Variants in HRNR observed in about 807,000 individuals in gnomAD.
The protein encoded by HRNR is hornerin, also known as filaggrin family member 3.
Under a neutral mutation model 4.8 loss-of-function variants are expected in HRNR, and 7 were observed. That is an observed-to-expected ratio of 1.47 (90% CI 0.83 to 2.75). The LOEUF (loss-of-function observed/expected upper bound fraction) is 2.75, where lower values mean the gene tolerates loss of function less well. Among genes scored for constraint, HRNR ranks in the 30% most tolerant of loss-of-function variants. The pLI is 0.00. For synonymous variants in HRNR, 1,023 were observed against 1,242.7 expected (o/e 0.82, Z 3.72); for missense variants, 2,879 against 3,010.4 (o/e 0.96, Z 1.02).
In HRNR at chr1:152,218,801, C is replaced by A. The variant is rs772262908; in HGVS notation, c.2828G>T (p.Gly943Val). ...TGAGCCAGATCCATGCTGAGTGTAACCAGAGGACTGCCCTGAGCTAGACTT... is the reference window on the plus strand; with the variant it reads ...TGAGCCAGATCCATGCTGAGTGTAAACAGAGGACTGCCCTGAGCTAGACTT... ...GHKSSSGQSS[G>V]YTQHGSGSGH... The change falls in exon 3 of 3, where the codon GGT becomes GTT. Residue 943 changes from glycine (G) to valine (V), a missense_variant. Gly to Val is a moderately radical substitution (Grantham distance 109). Coordinates refer to ENST00000368801, the MANE Select transcript of HRNR (RefSeq NM_001009931.3). The A allele has an allele frequency of 5.0e-6, 8 of 1,613,586 alleles. No homozygotes were observed. Among genetic ancestry groups the A allele is most frequent in the Non-Finnish European group, 6.8e-6 (8 of 1,179,932 alleles).
Position 152,219,149 on chromosome 1 carries a change from C to T in HRNR, c.2480G>A (p.Gly827Asp), listed in dbSNP as rs1185329783. The T allele has an allele frequency of 6.2e-7, 1 of 1,613,542 alleles. No individual in the cohort carries two copies. The highest frequency in any genetic ancestry group is 8.5e-7 in the Non-Finnish European group (1 of 1,179,948). Residue 827 changes from glycine to aspartate, a missense_variant, in exon 3 of 3, where the codon GGC becomes GAC. Physicochemically the swap from Gly to Asp is moderately conservative, Grantham distance 94 (BLOSUM62 -1). This residue lies in a region of HRNR where 2,646 missense variants were observed against 1,377.7 expected (regional missense o/e 1.92). Transcript: ENST00000368801. ...TGAGGCAGAACCATGCTGACTATAGCCCTGTCCTGAGCCAGACTCGTGTTG... is the reference window on the plus strand; with the variant it reads ...TGAGGCAGAACCATGCTGACTATAGTCCTGTCCTGAGCCAGACTCGTGTTG... ...FGQHESGSGQ[G>D]YSQHGSASGH...
chr1:152,222,972 C>A, intron 2 of HRNR, 144 bp downstream of exon 2: 2 of 780,004 alleles, frequency 2.6e-6, no homozygotes, highest in Middle Eastern at 2.7e-4. Context: ...CTGCTTTTGA[C>A]CTTATCTCAA....
In HRNR at chr1:152,219,512, C is replaced by T. The variant is rs745555258; in HGVS notation, c.2117G>A (p.Gly706Asp). 5 of 1,613,860 alleles carry T rather than the reference C, an allele frequency of 3.1e-6. No individual in the cohort carries two copies. In the African/African-American group the frequency reaches 4.0e-5, roughly 13 times the overall value. ...ACTGTAACCAGAGGACTGCCCTGAG[C>T]CAGACTTGTGACCAAAGCCGGAAGA... The part of the protein sequence containing the change: ...GQSSGFGHKS[G>D]SGQSSGYSQH... Residue 706 changes from glycine (G) to aspartate (D), a missense_variant, in exon 3 of 3, where the codon GGC (glycine) becomes GAC (aspartate). Physicochemically the swap from Gly to Asp is moderately conservative, Grantham distance 94 (BLOSUM62 -1). Coordinates refer to ENST00000368801, the MANE Select transcript of HRNR (RefSeq NM_001009931.3).
chr1:152,219,340 C>G lies in HRNR; in HGVS notation c.2289G>C (p.Ser763=). The G allele has an allele frequency of 6.2e-7, 1 of 1,612,624 alleles. No homozygotes were observed. Among genetic ancestry groups the G allele is most frequent in the Non-Finnish European group, 8.5e-7 (1 of 1,179,826 alleles). ...ATCCAGACCCTTGTCGGCCGTGGCC[C>G]GAAGATTGATGGGAGCCCGACCCAT... is the stretch of plus-strand genomic sequence containing the variant. ...GQHGSGSHQS[S]GHGRQGSGSG... Residue 763 remains serine, a synonymous_variant, in exon 3 of 3, where the codon TCG becomes TCC. Coordinates refer to ENST00000368801, the MANE Select transcript of HRNR (RefSeq NM_001009931.3).
intron 2 of HRNR, among the ~76,000 whole-genome samples, chr1:152,221,851 A>T (rs1273258251): frequency 6.6e-6 from 1 of 152,232 alleles, no homozygotes; most frequent in Non-Finnish European, 1.5e-5. Flanking sequence ...TTAACTAGCT[A>T]CTTAATTTAC....
Position 152,219,102 on chromosome 1 carries a change from G to T in HRNR, c.2527C>A (p.Arg843=), listed in dbSNP as rs141263661. 7.4e-6 allele frequency: 12 copies of T among 1,613,506 alleles called. No homozygotes were observed. The highest frequency in any genetic ancestry group is 3.3e-5 in the South Asian group (3 of 91,042). ...GACTGCCCTGACGTAGATCCATGTC[G>T]TCCCTGGCTAGAGAAGTGACCTGAG... ...SASGHFSSQG[R]HGSTSGQSSS... is the part of the protein sequence containing the mutation. The change falls in exon 3 of 3, where the codon CGA becomes AGA. Residue 843 remains arginine, a synonymous_variant. Coordinates refer to ENST00000368801, the MANE Select transcript of HRNR (RefSeq NM_001009931.3).
rs552697734 is a variant in HRNR, at chr1:152,213,221, C to T, written c.8408G>A (p.Ser2803Asn). 5 of 1,614,174 alleles carry T rather than the reference C, an allele frequency of 3.1e-6. No homozygotes were observed. The South Asian group carries it at 4.4e-5, about 14-fold the overall frequency. Residue 2803 changes from serine (S) to asparagine (N), a missense_variant, in exon 3 of 3, where the codon AGT becomes AAT. Around this residue, in one of 8 missense-constraint regions of HRNR, gnomAD observed 158 missense variants for 107.6 expected, o/e 1.47. Transcript: ENST00000368801. ...AGAATACCCATCTTGCCCTGAGCCACTTCCATGCTGACTATAACCAGAGGA... is the reference window on the plus strand; with the variant it reads ...AGAATACCCATCTTGCCCTGAGCCATTTCCATGCTGACTATAACCAGAGGA... ...GQSSGYSQHG[S>N]GSGQDGYSYC... is the part of the protein sequence containing the mutation.
At position 152,219,288 on chromosome 1, in the gene HRNR, G is replaced by T; in HGVS notation, c.2341C>A (p.His781Asn). 1 of 1,613,608 alleles carries T rather than the reference G, an allele frequency of 6.2e-7. No individual in the cohort carries two copies. Among genetic ancestry groups the T allele is most frequent in the Non-Finnish European group, 8.5e-7 (1 of 1,179,922 alleles). The change falls in exon 3 of 3, where the codon CAT becomes AAT. Residue 781 changes from histidine to asparagine, a missense_variant. Around this residue, in one of 8 missense-constraint regions of HRNR, gnomAD observed 2,646 missense variants for 1,377.7 expected, o/e 1.92. Coordinates refer to ENST00000368801, the MANE Select transcript of HRNR (RefSeq NM_001009931.3). ...GSGHSPSRVRHGSSSGHSSSH... is the reference protein window; with the variant it reads ...GSGHSPSRVRNGSSSGHSSSH... ...GAGGAGTGCCCTGAACTGGACCCAT[G>T]TCGGACACGGCTAGGAGAGTGGCCA...
Position 152,220,099 on chromosome 1 carries a change from A to C in HRNR, c.1530T>G (p.Ser510Arg), listed in dbSNP as rs561515483. The C allele has an allele frequency of 6.2e-7, 1 of 1,612,598 alleles. No homozygotes were observed. Among genetic ancestry groups the C allele is most frequent in the Non-Finnish European group, 8.5e-7 (1 of 1,179,480 alleles). ...QSSRGERQGS[S>R]AGSSSSYGQH... ...GACCATAGCTGGAAGATGAACCTGC[A>C]CTAGATCCTTGTCGTTCACCCCTAG... is the stretch of plus-strand genomic sequence containing the variant. Residue 510 changes from serine to arginine, a missense_variant, in exon 3 of 3, where the codon AGT (serine) becomes AGG (arginine). Physicochemically the swap from Ser to Arg is moderately radical, Grantham distance 110. Around this residue, in one of 8 missense-constraint regions of HRNR, gnomAD observed 2,646 missense variants for 1,377.7 expected, o/e 1.92. Coordinates refer to ENST00000368801, the MANE Select transcript of HRNR (RefSeq NM_001009931.3).
rs754017592 is a variant in HRNR, at chr1:152,218,463, G to A, written c.3166C>T (p.Arg1056Cys). Residue 1056 changes from arginine (R) to cysteine (C), a missense_variant, in exon 3 of 3, where the codon CGC becomes TGC. Physicochemically the swap from Arg to Cys is radical, Grantham distance 180 (BLOSUM62 -3). This residue lies in a region of HRNR where 2,646 missense variants were observed against 1,377.7 expected (regional missense o/e 1.92). Coordinates refer to ENST00000368801, the MANE Select transcript of HRNR (RefSeq NM_001009931.3). ...HSSGLGHRES[R>C]SGQSSGYGQH... Reference sequence around the variant, plus strand: ...CCGTAGCCAGAGGACTGTCCTGAGCGAGACTCTCGGTGACCTAAGCCAGAA... The same window carrying A: ...CCGTAGCCAGAGGACTGTCCTGAGCAAGACTCTCGGTGACCTAAGCCAGAA... 38 of 1,612,882 alleles carry A rather than the reference G, an allele frequency of 2.4e-5. No homozygotes were observed. Among genetic ancestry groups the A allele is most frequent in the African/African-American group, 2.2e-4 (16 of 74,392 alleles).
rs752351880 is a variant in HRNR, at chr1:152,219,655, C to A, written c.1974G>T (p.Gln658His). The A allele has an allele frequency of 2.5e-6, 4 of 1,613,082 alleles. No homozygotes were observed. In the East Asian group the frequency reaches 8.9e-5, roughly 36 times the overall value. The stretch of plus-strand genomic sequence containing the variant: ...ACCCATGTCGGCCGCGACTAGGAGA[C>A]TGGCCAGATCCAGAGCCCTGTTGGC... Reference protein sequence around the residue: ...RYGQQGSGSGQSPSRGRHGSD... With the variant: ...RYGQQGSGSGHSPSRGRHGSD... The change falls in exon 3 of 3, where the codon CAG becomes CAT. Residue 658 changes from glutamine (Q) to histidine (H), a missense_variant. By Grantham distance (24) the Gln-to-His change is conservative. Coordinates refer to ENST00000368801, the MANE Select transcript of HRNR (RefSeq NM_001009931.3).
chr1:152,219,604 G>T lies in HRNR; in HGVS notation c.2025C>A (p.Tyr675Ter). 11 of 1,608,432 alleles carry T rather than the reference G, an allele frequency of 6.8e-6. No homozygotes were observed. Among genetic ancestry groups the T allele is most frequent in the Non-Finnish European group, 9.3e-6 (11 of 1,177,054 alleles). ...HGSDFGHSSSYGQHGSGSGWS... is the reference protein window; with the variant it reads ...HGSDFGHSSS ...AACCGGAGCCAGACCCATGTTGGCC[G>T]TAGCTGGAAGAGTGCCCAAAATCGG... Residue 675 changes from tyrosine (Y) to a stop codon, truncating the protein, a stop_gained, in exon 3 of 3, where the codon TAC (tyrosine) becomes TAA (stop). Transcript: ENST00000368801. LOFTEE classifies it low-confidence loss of function (END_TRUNC).
Position 152,218,956 on chromosome 1 carries a change from T to A in HRNR, c.2673A>T (p.Pro891=), listed in dbSNP as rs1485928274. 1.2e-6 allele frequency: 2 copies of A among 1,610,682 alleles called. No individual in the cohort carries two copies. The highest frequency in any genetic ancestry group is 1.4e-5 in the African/African-American group (1 of 73,786). ...ACCCAGACCCACGCTGGCCGTGGCC[T>A]GGAGACTGGCCAGATCCAGAGCCAT... The part of the protein sequence containing the change: ...GRHGSGSGQS[P]GHGQRGSGSG... Residue 891 remains proline (P), a synonymous_variant, in exon 3 of 3, where the codon CCA becomes CCT. Transcript: ENST00000368801.
At chr1:152,223,467 AT>A (rs757931040) in intron 1 of HRNR, among the ~76,000 whole-genome samples, 189 bp from the exon 2 acceptor site, 2 of 152,224 alleles carry the variant, frequency 1.3e-5, no homozygotes, top group African/African-American at 4.8e-5. Context: ...GAGTGATGAA[AT>A]TAGGAATATA....
chr1:152,212,913 G>T lies in HRNR; in HGVS notation c.*163C>A. On this transcript the variant is annotated 3_prime_UTR_variant, in exon 3 of 3. Coordinates refer to ENST00000368801, the MANE Select transcript of HRNR (RefSeq NM_001009931.3). ...GTCTTTGGAAGGAACCCCATAACAA[G>T]ATATATGCTACAGTTTTAGGCTCTA... The T allele has an allele frequency of 1.1e-6, 1 of 949,422 alleles. No homozygotes were observed. Among genetic ancestry groups the T allele is most frequent in the Non-Finnish European group, 1.5e-6 (1 of 652,872 alleles). 58.8% of individuals were successfully genotyped at this position (949,422 alleles called of 1,614,324 possible).
rs61314345 is a variant in HRNR, at chr1:152,213,173, T to G, written c.8456A>C (p.His2819Pro). The change falls in exon 3 of 3, where the codon CAT becomes CCT. Residue 2819 changes from histidine (H) to proline (P), a missense_variant. Transcript: ENST00000368801. The part of the protein sequence containing the change: ...GYSYCKGGSN[H>P]DGGSSGSYFL... ...ATATGAGCCAGAACTTCCCCCATCATGGTTACTTCCTCCTTTGCAATAAGA... is the reference window on the plus strand; with the variant it reads ...ATATGAGCCAGAACTTCCCCCATCAGGGTTACTTCCTCCTTTGCAATAAGA... 1.2e-6 allele frequency: 2 copies of G among 1,614,108 alleles called. No individual in the cohort carries two copies. The highest frequency in any genetic ancestry group is 2.2e-5 in the East Asian group (1 of 44,894).
intron 2 of HRNR, among the ~76,000 whole-genome samples, chr1:152,221,803 C>T (rs1649013341): frequency 6.6e-6 from 1 of 151,972 alleles, no homozygotes; most frequent in Non-Finnish European, 1.5e-5. Flanking sequence ...TGTTTTTATA[C>T]CTACATTAAT....
Position 152,213,156 on chromosome 1 carries a change from C to G in HRNR, c.8473G>C (p.Gly2825Arg). The change falls in exon 3 of 3, where the codon GGC becomes CGC. Residue 2825 changes from glycine (G) to arginine (R), a missense_variant. Physicochemically the swap from Gly to Arg is moderately radical, Grantham distance 125. Around this residue, in one of 8 missense-constraint regions of HRNR, gnomAD observed 158 missense variants for 107.6 expected, o/e 1.47. Coordinates refer to ENST00000368801, the MANE Select transcript of HRNR (RefSeq NM_001009931.3). ...GGSNHDGGSS[G>R]SYFLSFPSST... is the part of the protein sequence containing the mutation. ...CTAGGAAAACTGAGAAAATATGAGC[C>G]AGAACTTCCCCCATCATGGTTACTT... 1 of 1,613,974 alleles carries G rather than the reference C, an allele frequency of 6.2e-7. No homozygotes were observed. Among genetic ancestry groups the G allele is most frequent in the South Asian group, 1.1e-5 (1 of 91,076 alleles).
At position 152,220,630 on chromosome 1, in the gene HRNR, G is replaced by T. The variant is rs1251674005; in HGVS notation, c.999C>A (p.Tyr333Ter). ...GQHGSGSSYS[Y>*]SRGHYESGSG... is the part of the protein sequence containing the mutation. Reference sequence around the variant, plus strand: ...AGCCAGACTCATAATGGCCACGGCTGTAAGAGTAACTTGAGCCAGACCCGT... The same window carrying T: ...AGCCAGACTCATAATGGCCACGGCTTTAAGAGTAACTTGAGCCAGACCCGT... The change falls in exon 3 of 3, where the codon TAC (tyrosine) becomes TAA (stop). Residue 333 changes from tyrosine (Y) to a stop codon, truncating the protein, a stop_gained. Transcript: ENST00000368801. LOFTEE classifies it low-confidence loss of function (END_TRUNC). 1.9e-6 allele frequency: 3 copies of T among 1,612,516 alleles called. No individual in the cohort carries two copies. Among genetic ancestry groups the T allele is most frequent in the South Asian group, 2.2e-5 (2 of 90,900 alleles).
Sources: gnomAD v4.1 joint callset for allele counts (sites outside exome capture counted in the v4.1 genomes callset) on GRCh38, gnomAD v4.1.1 for gene constraint, gnomAD v4.1.1 regional missense constraint, MANE v1.5 for transcripts, NCBI Gene and HGNC (gene_info 2026-07-23, HGNC 2026-07-21) for gene names.